Variants in RHOBTB1 observed in about 807,000 individuals in gnomAD.
RHOBTB1 encodes rho-related BTB domain-containing protein 1.
A neutral mutation model predicts 71.6 loss-of-function variants in RHOBTB1; 40 were observed. The ratio of observed to expected loss-of-function variants is 0.56; its 90% CI spans 0.43 to 0.73. RHOBTB1 has a LOEUF of 0.73. Among genes scored for constraint, RHOBTB1 ranks in the 30% least tolerant of loss-of-function variants. The probability of loss-of-function intolerance (pLI) is 0.00; values close to 1 mark genes in which losing one functional copy is unlikely to be tolerated. For synonymous variants in RHOBTB1, 319 were observed against 334.9 expected (o/e 0.95, Z 0.52); for missense variants, 797 against 894.0 (o/e 0.89, Z 1.38).
At chr10:60,944,442 G>A (rs2085124082), upstream of RHOBTB1, among the ~76,000 whole-genome samples, 1 of 152,164 alleles carries the variant, frequency 6.6e-6, no homozygotes, top group African/African-American at 2.4e-5. Context: ...TCGGCTCTAC[G>A]CAGACCCGAC....
rs201210194 is a variant in RHOBTB1, at chr10:60,888,609, C to T, written c.1059G>A (p.Leu353=). 96 of 1,614,108 alleles carry T rather than the reference C, an allele frequency of 5.9e-5. No individual in the cohort carries two copies. Among genetic ancestry groups the T allele is most frequent in the Non-Finnish European group, 7.6e-5 (90 of 1,180,054 alleles). Residue 353 remains leucine (L), a synonymous_variant, in exon 6 of 11, where the codon CTG becomes CTA. Transcript: ENST00000337910. ...ADQWKSSNKS[L]VEALGLEAEG... The stretch of plus-strand genomic sequence containing the variant: ...CGGCTTCCAGCCCCAGAGCCTCCAC[C>T]AGGCTCTTGTTTGAAGACTTCCACT...
At position 60,940,029 on chromosome 10, in the gene RHOBTB1, C is replaced by G. The variant is rs568421635; in HGVS notation, c.-11+1775G>C. On this transcript the variant is annotated intron_variant, in intron 2 of 10. Coordinates refer to ENST00000337910, the MANE Select transcript of RHOBTB1 (RefSeq NM_014836.5). Reference sequence around the variant, plus strand: ...TCACAACTAATCATGTTGATGAGGTCTTGGCCTGTAATGGGATCTTCCCAA... The same window carrying G: ...TCACAACTAATCATGTTGATGAGGTGTTGGCCTGTAATGGGATCTTCCCAA... 1.8e-4 allele frequency among the ~76,000 whole-genome samples: 27 copies of G among 152,232 alleles called. No homozygotes were observed. In the South Asian group the frequency reaches 2.1e-3, roughly 12 times the overall value.
intron 2 of RHOBTB1, among the ~76,000 whole-genome samples, chr10:60,923,108 G>C (rs1175538245): frequency 6.6e-6 from 1 of 152,148 alleles, no homozygotes; most frequent in Admixed American, 6.5e-5. Flanking sequence ...CAAGTATTTG[G>C]AATATACTTC....
intron 2 of RHOBTB1, among the ~76,000 whole-genome samples, chr10:60,971,881 G>C (rs184988324): frequency 6.6e-6 from 1 of 152,078 alleles, no homozygotes; most frequent in African/African-American, 2.4e-5. Context: ...CTGGGAAAAG[G>C]ATATGAACAG....
At chr10:60,902,203 C>T (rs2893869) in intron 4 of RHOBTB1, among the ~76,000 whole-genome samples, 44,977 of 152,108 alleles carry the variant, frequency 0.3, 9,664 homozygotes, top group African/African-American at 0.61. Context: ...GTACATGTAT[C>T]TTCTGTGCGC....
At chr10:61,001,817 C>A (rs1258175914), upstream of RHOBTB1, among the ~76,000 whole-genome samples, 2 of 152,194 alleles carry the variant, frequency 1.3e-5, no homozygotes, top group African/African-American at 4.8e-5. Context: ...CGCCATTCTC[C>A]GCTCAGGGCC....
intron 5 of RHOBTB1, among the ~76,000 whole-genome samples, chr10:60,889,619 C>T (rs976346751): frequency 6.6e-6 from 1 of 151,784 alleles, no homozygotes; most frequent in Non-Finnish European, 1.5e-5. Flanking sequence ...ATTTACATGA[C>T]CATGTGCCTA....
rs944222115 is a variant in RHOBTB1, at chr10:60,905,458, A to C, written c.296+5429T>G. On this transcript the variant is annotated intron_variant, in intron 4 of 10. Coordinates refer to ENST00000337910, the MANE Select transcript of RHOBTB1 (RefSeq NM_014836.5). ...GTGAGAGACTCTTTCTCAAAAAAAAAAAAAAAAAAAAAAAAAATTCAAATT... is the reference window on the plus strand; with the variant it reads ...GTGAGAGACTCTTTCTCAAAAAAAACAAAAAAAAAAAAAAAAATTCAAATT... 2.6e-5 allele frequency among the ~76,000 whole-genome samples: 4 copies of C among 151,168 alleles called. No homozygotes were observed. The South Asian group carries it at 8.4e-4, about 32-fold the overall frequency.
At chr10:60,934,039 A>C (rs1191407111) in intron 2 of RHOBTB1, among the ~76,000 whole-genome samples, 1 of 152,200 alleles carries the variant, frequency 6.6e-6, no homozygotes, top group Non-Finnish European at 1.5e-5. Flanking sequence ...TCTCATCTAT[A>C]TATTCCATCT....
upstream of RHOBTB1, among the ~76,000 whole-genome samples, chr10:60,945,163 A>T (rs1297913583): frequency 3.9e-5 from 6 of 152,252 alleles, no homozygotes; most frequent in Non-Finnish European, 8.8e-5. Flanking sequence ...GCCTGCCATC[A>T]GGGAGCTTTC....
chr10:60,907,361 C>T (rs113032812), intron 4 of RHOBTB1, among the ~76,000 whole-genome samples: 2,482 of 152,204 alleles, frequency 0.016, 31 homozygotes, highest in African/African-American at 0.037. Context: ...TTGAGTTGAG[C>T]GACATCCCTT....
intron 2 of RHOBTB1, among the ~76,000 whole-genome samples, chr10:60,975,804 A>G (rs1404987016): frequency 1.3e-5 from 2 of 152,102 alleles, no homozygotes; most frequent in Non-Finnish European, 2.9e-5. Context: ...ACCAATGAAA[A>G]CAGAAACACT....
chr10:60,921,296 G>A (rs2083549833), intron 2 of RHOBTB1, among the ~76,000 whole-genome samples: 1 of 152,140 alleles, frequency 6.6e-6, no homozygotes, highest in South Asian at 2.1e-4. Flanking sequence ...ACTGCTGTAT[G>A]TACAGAGAAC....
At chr10:60,898,730 C>G (rs1035719500) in intron 4 of RHOBTB1, among the ~76,000 whole-genome samples, 1 of 152,148 alleles carries the variant, frequency 6.6e-6, no homozygotes. Context: ...GTCAAAACAT[C>G]CTGAAATATA....
At chr10:60,975,229 CAG>C (rs2086278116) in intron 2 of RHOBTB1, among the ~76,000 whole-genome samples, 1 of 151,988 alleles carries the variant, frequency 6.6e-6, no homozygotes, top group African/African-American at 2.4e-5. Flanking sequence ...GGTTCAGAAT[CAG>C]GGGAATTCGT....
intron 4 of RHOBTB1, among the ~76,000 whole-genome samples, chr10:60,897,852 G>T (rs1472053120): frequency 6.6e-6 from 1 of 151,942 alleles, no homozygotes; most frequent in Non-Finnish European, 1.5e-5. Context: ...GATTACAGGC[G>T]CATGACCATG....
downstream of RHOBTB1, among the ~76,000 whole-genome samples, chr10:60,867,335 G>C (rs755808938): frequency 6.6e-6 from 1 of 152,202 alleles, no homozygotes; most frequent in Non-Finnish European, 1.5e-5. Context: ...AATGAATCAA[G>C]TTCTGTCCTC....
rs190902876 is a variant in RHOBTB1, at chr10:60,881,769, C to T, written c.1576-3711G>A. Among the ~76,000 whole-genome samples the T allele has an allele frequency of 2.3e-3, 353 of 152,234 alleles. 5 individuals carry two copies. Among genetic ancestry groups the T allele is most frequent in the African/African-American group, 7.9e-3 (329 of 41,538 alleles). ...CTTAAAGAAGAAATAGCAAAATGAA[C>T]ATCCTAAATAAAAAGAAACTATTTC... is the stretch of plus-strand genomic sequence containing the variant. On this transcript the variant is annotated intron_variant, in intron 7 of 10. Transcript: ENST00000337910.
chr10:60,964,984 C>T lies in RHOBTB1; in HGVS notation c.-62+20861G>A, dbSNP rs184642345. ...TAAATTAGTAATACTAAAACAAAGT[C>T]TCTGGAAATAAACCCTCTGCCTTTG... On this transcript the variant is annotated intron_variant, in intron 2 of 11. Coordinates refer to the RHOBTB1 transcript ENST00000357917. 4.2e-3 allele frequency among the ~76,000 whole-genome samples: 641 copies of T among 152,170 alleles called. 1 individual carries two copies. Among genetic ancestry groups the T allele is most frequent in the Non-Finnish European group, 7.1e-3 (480 of 67,980 alleles).
Sources: allele counts gnomAD v4.1 joint callset (sites outside exome capture counted in the v4.1 genomes callset), GRCh38; gene constraint gnomAD v4.1.1; transcripts MANE v1.5; gene names NCBI Gene and HGNC (gene_info 2026-07-23, HGNC 2026-07-21).